The following TMEM80 variants were observed in gnomAD, a reference collection of about 807,000 sequenced individuals.
TMEM80 encodes transmembrane protein 80.
In TMEM80, 16 loss-of-function variants were observed where a neutral mutation model predicts 13.6. That is an observed-to-expected ratio of 1.17 (90% CI 0.79 to 1.78). The LOEUF is 1.78. Ranked by LOEUF, TMEM80 falls within the 40% of genes most tolerant of loss-of-function variation. The pLI, the probability that TMEM80 is intolerant of heterozygous loss-of-function variation, is 0.00. For missense variants in TMEM80, 167 were observed against 184.6 expected, an observed-to-expected ratio of 0.90 and a Z score of 0.55; for synonymous variants, 92 against 89.5, an observed-to-expected ratio of 1.03 and a Z score of -0.16.
At chr11:704,773 G>A, downstream of TMEM80, 4 of 665,902 alleles carry the variant, frequency 6.0e-6, no homozygotes, top group South Asian at 1.8e-5. Context: ...ACTGTCTCCT[G>A]AGGGCAGGCT....
intron 2 of TMEM80, chr11:699,864 G>A: frequency 2.3e-6 from 1 of 430,870 alleles, no homozygotes; most frequent in Non-Finnish European, 4.2e-6. Flanking sequence ...CCCCTGACCA[G>A]TCCTGTCCAC....
intron 2 of TMEM80, 65 bp downstream of exon 2, chr11:698,953 A>G (rs1861323299): frequency 6.3e-7 from 1 of 1,596,912 alleles, no homozygotes; most frequent in Admixed American, 1.7e-5. Context: ...CACAGAGAGC[A>G]CTCGGCCTCA....
intron 3 of TMEM80, 112 bp downstream of exon 3, chr11:700,347 G>T: frequency 2.0e-6 from 2 of 999,144 alleles, no homozygotes; most frequent in South Asian, 2.8e-5. Context: ...GCCAACATGG[G>T]GAAACCCCAT....
chr11:699,249 G>C, intron 2 of TMEM80: 1 of 316,808 alleles, frequency 3.2e-6, no homozygotes. Flanking sequence ...TTTAAGGACA[G>C]AGCCTTCCTC....
intron 4 of TMEM80, chr11:700,971 G>T: frequency 2.2e-6 from 1 of 448,734 alleles, no homozygotes; most frequent in East Asian, 3.6e-5. Flanking sequence ...CTGGGTAATG[G>T]CACTGAGATC....
chr11:703,420 A>G lies in TMEM80; in HGVS notation c.*270A>G, dbSNP rs1861590605. The G allele has an allele frequency of 7.6e-7, 1 of 1,310,580 alleles. No homozygotes were observed. Among genetic ancestry groups the G allele is most frequent in the Non-Finnish European group, 9.7e-7 (1 of 1,034,106 alleles). 81.2% of individuals were successfully genotyped at this position (1,310,580 alleles called of 1,614,324 possible). Reference sequence around the variant, plus strand: ...AGATGAGTCCCAGGAGCGCACACTCAGCCCTGTCAGTGGGGTCTGGCTTTA... The same window carrying G: ...AGATGAGTCCCAGGAGCGCACACTCGGCCCTGTCAGTGGGGTCTGGCTTTA... On this transcript the variant is annotated 3_prime_UTR_variant, in exon 5 of 5. Transcript: ENST00000397510.
At chr11:699,953 T>C in intron 2 of TMEM80, 189 bp from the exon 3 acceptor site, 1 of 569,592 alleles carries the variant, frequency 1.8e-6, no homozygotes. Flanking sequence ...CCTTGTCAGC[T>C]CATGGGACCA....
chr11:701,686 G>A (rs1421659896), intron 4 of TMEM80, among the ~76,000 whole-genome samples: 2 of 152,128 alleles, frequency 1.3e-5, no homozygotes, highest in South Asian at 2.1e-4. Context: ...TGGGATTACA[G>A]GCGTGAGCCA....
At chr11:696,006 G>A (rs2133444634) in intron 1 of TMEM80, among the ~76,000 whole-genome samples, 160 bp downstream of exon 1, 1 of 152,186 alleles carries the variant, frequency 6.6e-6, no homozygotes, top group East Asian at 1.9e-4. Context: ...AGCGCGGCCT[G>A]GCCTGGCCTG....
intron 1 of TMEM80, among the ~76,000 whole-genome samples, chr11:696,853 G>A (rs1485858845): frequency 8.9e-6 from 1 of 112,356 alleles, no homozygotes; most frequent in East Asian, 2.6e-4. Context: ...GCCAAAGCGG[G>A]CGGATCACCT....
rs939565091 is a variant in TMEM80 at position 703,806 on chromosome 11, C to T, written c.*656C>T. On this transcript the variant is annotated 3_prime_UTR_variant, in exon 5 of 5. Coordinates refer to ENST00000397510, the MANE Select transcript of TMEM80 (RefSeq NM_001042463.3). ...GCCACACTTCTCCCTTCAGGGGCTT[C>T]GGAGGAGAGGTCAGGGCTAAGGCCG... The T allele has an allele frequency of 8.9e-6, 11 of 1,232,980 alleles. No individual in the cohort carries two copies. Among genetic ancestry groups the T allele is most frequent in the South Asian group, 4.1e-5 (1 of 24,366 alleles). The allele number at this position is 1,232,980 out of a possible 1,614,324, so 76.4% of individuals were successfully genotyped here. A position where few individuals can be genotyped will look rare whatever the true frequency, so the allele number is the denominator to read the frequency against.
chr11:701,017 G>A (rs929763254), intron 4 of TMEM80: 8 of 440,908 alleles, frequency 1.8e-5, no homozygotes, highest in South Asian at 2.4e-5. Context: ...CTGGAGCTCC[G>A]GAATATTCAC....
intron 2 of TMEM80, 155 bp from the exon 3 acceptor site, chr11:699,987 G>A (rs1428342346): frequency 3.3e-6 from 2 of 609,766 alleles, no homozygotes; most frequent in East Asian, 2.8e-5. Flanking sequence ...CATAGTGACA[G>A]AAGCCTCAGA....
chr11:695,950 G>A, intron 1 of TMEM80, 104 bp downstream of exon 1: 1 of 927,562 alleles, frequency 1.1e-6, no homozygotes, highest in Non-Finnish European at 1.4e-6. Context: ...ACGGGGCCGT[G>A]CCACCGTCTC....
Position 695,841 on chromosome 11 carries a change from G to A in TMEM80, c.14G>A (p.Arg5Gln). 3 of 1,230,196 alleles carry A rather than the reference G, an allele frequency of 2.4e-6. No individual in the cohort carries two copies. Among genetic ancestry groups the A allele is most frequent in the African/African-American group, 1.6e-5 (1 of 64,434 alleles). The allele number at this position is 1,230,196 out of a possible 1,614,324, so 76.2% of individuals were successfully genotyped here. Residue 5 changes from arginine (R) to glutamine (Q), a missense_variant, in exon 1 of 5, where the codon CGG becomes CAG. Physicochemically the swap from Arg to Gln is conservative, Grantham distance 43. Coordinates refer to ENST00000397510, the MANE Select transcript of TMEM80 (RefSeq NM_001042463.3). Reference sequence around the variant, plus strand: ...GGGGCGGGTAAGATGGCGGCCCCGCGGCGAGGTGAGCTCGGGCGGGGTGGG... The same window carrying A: ...GGGGCGGGTAAGATGGCGGCCCCGCAGCGAGGTGAGCTCGGGCGGGGTGGG... MAAP[R>Q]RGRGSSTVLS...
rs2133477185 is a variant in TMEM80, at chr11:703,098, A to G, written c.380A>G (p.His127Arg). 2 of 1,611,532 alleles carry G rather than the reference A, an allele frequency of 1.2e-6. No individual in the cohort carries two copies. The highest frequency in any genetic ancestry group is 1.7e-4 in the Middle Eastern group (1 of 6,056). The change falls in exon 5 of 5, where the codon CAC becomes CGC. Residue 127 changes from histidine (H) to arginine (R), a missense_variant. Transcript: ENST00000397510. ...WALSATLLAL[H>R]GLEAVLQVVA... ...CTCAGCGCCACGCTCCTGGCCCTTC[A>G]CGGCCTGGAGGCCGTCCTGCAGGTG... is the stretch of plus-strand genomic sequence containing the variant.
chr11:699,115 C>T (rs1861330876), intron 2 of TMEM80: 1 of 530,234 alleles, frequency 1.9e-6, no homozygotes, highest in Admixed American at 3.2e-5. Context: ...GCTAAGCACG[C>T]CACACTGCCG....
rs553536477 is a variant in TMEM80, at chr11:703,376, C to T, written c.*226C>T. On this transcript the variant is annotated 3_prime_UTR_variant, in exon 5 of 5. Transcript: ENST00000397510. ...GGAACAGCTGCGGGGAGGGTAGGGA[C>T]CAGACAGAACTGCCTTCAAGATGAG... 1.4e-6 allele frequency: 2 copies of T among 1,380,224 alleles called. No individual in the cohort carries two copies. The highest frequency in any genetic ancestry group is 5.4e-5 in the East Asian group (2 of 36,966). 85.5% of individuals were successfully genotyped at this position (1,380,224 alleles called of 1,614,324 possible).
intron 4 of TMEM80, among the ~76,000 whole-genome samples, chr11:702,624 C>G (rs12285108): frequency 1.3e-5 from 2 of 152,232 alleles, no homozygotes; most frequent in Non-Finnish European, 2.9e-5. Context: ...ATTAGGAAAA[C>G]GTGGCAGATG....
Sources: allele counts gnomAD v4.1 joint callset (sites outside exome capture counted in the v4.1 genomes callset), GRCh38; gene constraint gnomAD v4.1.1; transcripts MANE v1.5; gene names NCBI Gene and HGNC (gene_info 2026-07-23, HGNC 2026-07-21).